The following METTL22 variants were observed in gnomAD, a reference collection of about 807,000 sequenced individuals.
The protein encoded by METTL22 is methyltransferase-like protein 22.
Under a neutral mutation model 48.4 loss-of-function variants are expected in METTL22, and 51 were observed. The ratio of observed to expected loss-of-function variants is 1.05; its 90% CI spans 0.84 to 1.33. METTL22 has a LOEUF of 1.33. Among genes scored for constraint, METTL22 ranks in the 40% most tolerant of loss-of-function variants. The pLI is 0.00. For missense variants in METTL22, 678 were observed against 526.9 expected (o/e 1.29, Z -2.81); for synonymous variants, 255 against 214.1 (o/e 1.19, Z -1.67).
At chr16:8,634,986 C>A in intron 3 of METTL22, 53 bp from the exon 4 acceptor site, 8 of 1,611,118 alleles carry the variant, frequency 5.0e-6, no homozygotes, top group Non-Finnish European at 6.8e-6. Flanking sequence ...TTGTGGTTTT[C>A]TGTCCATCCC....
At chr16:8,642,091 G>T (rs1381650515) in intron 7 of METTL22, 36 bp from the exon 8 acceptor site, 1 of 1,526,044 alleles carries the variant, frequency 6.6e-7, no homozygotes, top group Non-Finnish European at 9.1e-7. Flanking sequence ...AGGAGAGAAG[G>T]CAATGGGCAC....
At chr16:8,627,913 AT>A (rs1438687491) in intron 2 of METTL22, among the ~76,000 whole-genome samples, 2 of 152,058 alleles carry the variant, frequency 1.3e-5, no homozygotes, top group Non-Finnish European at 2.9e-5. Flanking sequence ...TACCTGGATA[AT>A]TTTTTTGTAG....
Position 8,626,421 on chromosome 16 carries a change from G to T in METTL22, c.133+623G>T, listed in dbSNP as rs371078325. Reference sequence around the variant, plus strand: ...CCAGGGTCCACTGGGGAGACAAAGTGCTGGGGCTCCATCTGTCCTCTGCTC... The same window carrying T: ...CCAGGGTCCACTGGGGAGACAAAGTTCTGGGGCTCCATCTGTCCTCTGCTC... On this transcript the variant is annotated intron_variant, in intron 2 of 10. Coordinates refer to ENST00000381920, the MANE Select transcript of METTL22 (RefSeq NM_024109.4). 3.6e-4 allele frequency among the ~76,000 whole-genome samples: 55 copies of T among 151,362 alleles called. 1 individual carries two copies. Among genetic ancestry groups the T allele is most frequent in the African/African-American group, 1.3e-3 (54 of 41,226 alleles).
chr16:8,664,946 C>T, the METTL22 span, among the ~76,000 whole-genome samples: 1 of 152,094 alleles, frequency 6.6e-6, no homozygotes, highest in Non-Finnish European at 1.5e-5. Flanking sequence ...CACTGTATCA[C>T]CCTGCTTTAA....
At chr16:8,658,987 C>A in the METTL22 span, among the ~76,000 whole-genome samples, 1 of 152,140 alleles carries the variant, frequency 6.6e-6, no homozygotes, top group Admixed American at 6.6e-5. Flanking sequence ...CTCTCCCCTG[C>A]CCCTTCTTCC....
intron 2 of METTL22, among the ~76,000 whole-genome samples, chr16:8,628,384 T>C (rs566928109): frequency 3.7e-4 from 56 of 152,266 alleles, no homozygotes; most frequent in African/African-American, 1.3e-3. Flanking sequence ...TCCTAAAAGT[T>C]GTGTGGCCTT....
chr16:8,648,905 A>G lies in METTL22; in HGVS notation c.*2762A>G, dbSNP rs2056850480. The G allele has an allele frequency of 1.3e-5, 2 of 152,268 alleles. No individual in the cohort carries two copies. Among genetic ancestry groups the G allele is most frequent in the African/African-American group, 4.8e-5 (2 of 41,468 alleles). 9.4% of individuals were successfully genotyped at this position (152,268 alleles called of 1,614,324 possible). A position where few individuals can be genotyped will look rare whatever the true frequency, so the allele number is the denominator to read the frequency against. On this transcript the variant is annotated 3_prime_UTR_variant, in exon 11 of 11. Transcript: ENST00000381920. ...TGAGAAGCTCTGGGGCCTACCACAT[A>G]GCCCTCAACCTATTGCTGTTTTCTA...
chr16:8,622,177 G>T (rs2055875487), intron 1 of METTL22, among the ~76,000 whole-genome samples: 1 of 152,200 alleles, frequency 6.6e-6, no homozygotes, highest in South Asian at 2.1e-4. Context: ...CGTCTTTCCT[G>T]CCCCCAGCCT....
At chr16:8,666,684 CAGCCAGAATATG>C in the METTL22 span, 3 of 152,246 alleles carry the variant, frequency 2.0e-5, no homozygotes, top group African/African-American at 7.2e-5. Context: ...TTTATCGTCA[CAGCCAGAATATG>C]AGCCCAACTC....
the METTL22 span, among the ~76,000 whole-genome samples, chr16:8,661,220 G>A: frequency 2.1e-5 from 2 of 93,050 alleles, no homozygotes; most frequent in Admixed American, 1.1e-4. Context: ...CCATGCCAAC[G>A]TGTGGGTCTA....
At chr16:8,659,676 G>T in the METTL22 span, among the ~76,000 whole-genome samples, 2 of 152,048 alleles carry the variant, frequency 1.3e-5, no homozygotes, top group African/African-American at 4.8e-5. Flanking sequence ...CATCAGGACA[G>T]TGCAGCACTT....
In METTL22 at chr16:8,646,675, G is replaced by T. The variant is rs1257661188; in HGVS notation, c.*532G>T. The T allele has an allele frequency of 6.6e-6, 3 of 457,372 alleles. No homozygotes were observed. Among genetic ancestry groups the T allele is most frequent in the Non-Finnish European group, 1.3e-5 (3 of 227,554 alleles). The allele number at this position is 457,372 out of a possible 1,614,324, so 28.3% of individuals were successfully genotyped here. A position where few individuals can be genotyped will look rare whatever the true frequency, so the allele number is the denominator to read the frequency against. On this transcript the variant is annotated 3_prime_UTR_variant, in exon 11 of 11. Transcript: ENST00000381920. Reference sequence around the variant, plus strand: ...CAGGAGCTGGCGCCAGGAATGGACTGGCATTGGCCTTTGTATTTAATTTTA... The same window carrying T: ...CAGGAGCTGGCGCCAGGAATGGACTTGCATTGGCCTTTGTATTTAATTTTA...
In METTL22 at chr16:8,625,801, A is replaced by G; in HGVS notation, c.133+3A>G. 6.2e-7 allele frequency: 1 copy of G among 1,614,088 alleles called. No homozygotes were observed. Among genetic ancestry groups the G allele is most frequent in the Non-Finnish European group, 8.5e-7 (1 of 1,179,976 alleles). Reference sequence around the variant, plus strand: ...GCTGAACAGCGTGGGGCAGCCAGGTAAGGTCCTGGGCCCAGGTGCCCTGCG... The same window carrying G: ...GCTGAACAGCGTGGGGCAGCCAGGTGAGGTCCTGGGCCCAGGTGCCCTGCG... On this transcript the variant is annotated splice_donor_region_variant and intron_variant, in intron 2 of 10. Transcript: ENST00000381920.
intron 5 of METTL22, among the ~76,000 whole-genome samples, chr16:8,638,839 G>A (rs954245841): frequency 6.6e-6 from 1 of 152,150 alleles, no homozygotes; most frequent in Non-Finnish European, 1.5e-5. Flanking sequence ...ATGATGTTGG[G>A]AGCTCACACT....
chr16:8,651,386 CAAAA>C (rs768911703), downstream of METTL22, among the ~76,000 whole-genome samples: 2 of 49,068 alleles, frequency 4.1e-5, no homozygotes, highest in African/African-American at 1.6e-4. Context: ...GACTCTGTCT[CAAAA>C]AAAAAAAAAA....
the METTL22 span, among the ~76,000 whole-genome samples, chr16:8,660,857 GAA>G: frequency 5.0e-5 from 1 of 20,086 alleles, no homozygotes; most frequent in Admixed American, 6.1e-4. Flanking sequence ...GGGGGAGGAG[GAA>G]GAGGAGGAGG....
At chr16:8,665,947 A>G in the METTL22 span, among the ~76,000 whole-genome samples, 2 of 152,260 alleles carry the variant, frequency 1.3e-5, no homozygotes, top group Non-Finnish European at 1.5e-5. Context: ...GACAAATGCT[A>G]TTACAGAAGT....
chr16:8,636,477 C>T (rs1408940668), intron 5 of METTL22, among the ~76,000 whole-genome samples: 8 of 142,386 alleles, frequency 5.6e-5, no homozygotes, highest in Admixed American at 5.0e-4. Flanking sequence ...GCTGAGATTG[C>T]ACCACTGCAC....
At chr16:8,634,509 A>G (rs1284456800) in intron 3 of METTL22, among the ~76,000 whole-genome samples, 1 of 152,146 alleles carries the variant, frequency 6.6e-6, no homozygotes, top group Non-Finnish European at 1.5e-5. Context: ...GAGAATACTT[A>G]TACTACTTTT....
Sources: gnomAD v4.1 joint callset for allele counts (sites outside exome capture counted in the v4.1 genomes callset) on GRCh38, gnomAD v4.1.1 for gene constraint, MANE v1.5 for transcripts, NCBI Gene and HGNC (gene_info 2026-07-23, HGNC 2026-07-21) for gene names.